Variants in NALF1 observed in about 807,000 individuals in gnomAD.
NALF1 encodes the protein NALCN channel auxiliary factor 1.
In NALF1, 3 loss-of-function variants were observed where a neutral mutation model predicts 48.4. The observed-to-expected ratio is 0.06, with a 90% CI of 0.03 to 0.16. NALF1 has a LOEUF of 0.16. NALF1 is among the 10% of genes least tolerant of loss of function. The pLI is 1.00. For synonymous variants in NALF1, 262 were observed against 245.7 expected, an observed-to-expected ratio of 1.07 and a Z score of -0.62; for missense variants, 526 against 571.5, an observed-to-expected ratio of 0.92 and a Z score of 0.81.
chr13:107,730,076 C>T lies in NALF1; in HGVS notation c.915+135606G>A, dbSNP rs16971002. On this transcript the variant is annotated intron_variant, in intron 1 of 2. Transcript: ENST00000375915. ...CAACATCTCTTCTCTAAGTCTGCTA[C>T]GAAATTTGCTACAGGGAAGCTCAAA... Among the ~76,000 whole-genome samples, 4,073 of 152,186 alleles carry T rather than the reference C, an allele frequency of 0.027. 313 individuals carry two copies. In the East Asian group the frequency reaches 0.3, roughly 11 times the overall value.
At chr13:107,426,776 A>G (rs6492055) in intron 1 of NALF1, among the ~76,000 whole-genome samples, 14,708 of 152,136 alleles carry the variant, frequency 0.097, 1,801 homozygotes, top group African/African-American at 0.29. Flanking sequence ...TAATTAGACT[A>G]CTTCTAGATA....
At chr13:107,321,338 A>T (rs533970498) in intron 1 of NALF1, among the ~76,000 whole-genome samples, 14 of 152,094 alleles carry the variant, frequency 9.2e-5, no homozygotes, top group Non-Finnish European at 1.9e-4. Context: ...AAAATATGAG[A>T]ACATCGCAAG....
intron 1 of NALF1, among the ~76,000 whole-genome samples, chr13:107,560,390 T>C (rs886542500): frequency 6.6e-6 from 1 of 152,124 alleles, no homozygotes; most frequent in Non-Finnish European, 1.5e-5. Context: ...TCTGATGATT[T>C]CTTCCAAGAA....
intron 1 of NALF1, among the ~76,000 whole-genome samples, chr13:107,305,499 A>C (rs1310691463): frequency 1.3e-5 from 2 of 152,208 alleles, no homozygotes; most frequent in East Asian, 3.8e-4. Flanking sequence ...AAGTCTTTAA[A>C]CTTATCTTCT....
intron 1 of NALF1, among the ~76,000 whole-genome samples, chr13:107,658,612 A>C (rs4097303): frequency 0.22 from 33,284 of 151,924 alleles, 3,820 homozygotes; most frequent in Middle Eastern, 0.37. Flanking sequence ...ATTTCTTGTC[A>C]TCACTTTAAA....
chr13:107,165,717 C>A lies in NALF1; in HGVS notation c.*4780G>T, dbSNP rs1194810672. The A allele has an allele frequency of 6.6e-6, 1 of 152,082 alleles. No homozygotes were observed. Among genetic ancestry groups the A allele is most frequent in the African/African-American group, 2.4e-5 (1 of 41,404 alleles). The allele number at this position is 152,082 out of a possible 1,614,324, so 9.4% of individuals were successfully genotyped here. On this transcript the variant is annotated 3_prime_UTR_variant, in exon 3 of 3. Transcript: ENST00000375915. ...ACTATACTTAGTTATTTTCCTTCCC[C>A]CCCACTGAAAGTCTTTTTATTCATT...
chr13:107,679,856 A>C (rs1296966520), intron 1 of NALF1, among the ~76,000 whole-genome samples: 5 of 152,236 alleles, frequency 3.3e-5, no homozygotes, highest in African/African-American at 9.6e-5. Context: ...GGTTTCTTAA[A>C]GCCTCAAAGC....
At chr13:107,837,980 G>A (rs1358663561) in intron 1 of NALF1, among the ~76,000 whole-genome samples, 1 of 151,954 alleles carries the variant, frequency 6.6e-6, no homozygotes, top group Admixed American at 6.6e-5. Context: ...AATGCACTAT[G>A]GTTTTATATT....
chr13:107,635,720 A>G (rs970143667), intron 1 of NALF1, among the ~76,000 whole-genome samples: 1 of 152,164 alleles, frequency 6.6e-6, no homozygotes, highest in East Asian at 1.9e-4. Flanking sequence ...ATAGCCATGC[A>G]TGGACGACAC....
intron 1 of NALF1, among the ~76,000 whole-genome samples, chr13:107,782,807 C>T (rs1877940017): frequency 6.6e-6 from 1 of 151,370 alleles, no homozygotes; most frequent in African/African-American, 2.4e-5. Context: ...GGAGGAGCCC[C>T]TCCGCTTGGC....
chr13:107,705,017 C>T (rs1005314347), intron 1 of NALF1, among the ~76,000 whole-genome samples: 3 of 152,140 alleles, frequency 2.0e-5, no homozygotes, highest in African/African-American at 7.2e-5. Flanking sequence ...CCTCCTTGTC[C>T]ACACGATGTG....
At chr13:107,654,996 C>A (rs1880539537) in intron 1 of NALF1, among the ~76,000 whole-genome samples, 1 of 152,030 alleles carries the variant, frequency 6.6e-6, no homozygotes, top group Non-Finnish European at 1.5e-5. Flanking sequence ...AAGGGACATA[C>A]CTTAAGGTAA....
At chr13:107,337,036 C>T (rs1882571242) in intron 1 of NALF1, among the ~76,000 whole-genome samples, 1 of 68,132 alleles carries the variant, frequency 1.5e-5, no homozygotes, top group Non-Finnish European at 2.8e-5. Context: ...TATATTCTTT[C>T]ATTCCCCAAA....
intron 1 of NALF1, among the ~76,000 whole-genome samples, chr13:107,665,200 C>T (rs1294256707): frequency 2.0e-5 from 3 of 152,076 alleles, no homozygotes; most frequent in African/African-American, 7.2e-5. Context: ...GTAGAAGCCA[C>T]ATCTATACTC....
chr13:107,471,573 A>C (rs1016463511), intron 1 of NALF1, among the ~76,000 whole-genome samples: 7 of 152,330 alleles, frequency 4.6e-5, no homozygotes, highest in South Asian at 2.1e-4. Context: ...ACTTTTAATT[A>C]CTAAGAAATT....
At chr13:107,279,447 G>C (rs2138871267) in intron 1 of NALF1, among the ~76,000 whole-genome samples, 1 of 152,148 alleles carries the variant, frequency 6.6e-6, no homozygotes, top group African/African-American at 2.4e-5. Context: ...GTAGAGACAG[G>C]GTTTCATCAT....
chr13:107,490,186 C>T (rs1054239168), intron 1 of NALF1, among the ~76,000 whole-genome samples: 2 of 152,086 alleles, frequency 1.3e-5, no homozygotes, highest in African/African-American at 4.8e-5. Flanking sequence ...CACCTAAAGA[C>T]AGAACCTATC....
At chr13:107,837,086 A>G (rs1424711547) in intron 1 of NALF1, among the ~76,000 whole-genome samples, 3 of 152,186 alleles carry the variant, frequency 2.0e-5, no homozygotes, top group Admixed American at 6.5e-5. Context: ...GCTTGGATGC[A>G]TGTTCATACG....
At chr13:107,400,237 A>G (rs1368110170) in intron 1 of NALF1, among the ~76,000 whole-genome samples, 1 of 152,172 alleles carries the variant, frequency 6.6e-6, no homozygotes, top group Non-Finnish European at 1.5e-5. Context: ...ATAGGCATGG[A>G]TTATTAAAGA....
Sources: gnomAD v4.1 joint callset for allele counts (sites outside exome capture counted in the v4.1 genomes callset) on GRCh38, gnomAD v4.1.1 for gene constraint, MANE v1.5 for transcripts, NCBI Gene and HGNC (gene_info 2026-07-23, HGNC 2026-07-21) for gene names.